Variants in ELP4 observed in about 807,000 individuals in gnomAD.
ELP4 encodes elongator acetyltransferase complex subunit 4, also known as elongator complex protein 4.
A neutral mutation model predicts 48.9 loss-of-function variants in ELP4; 51 were observed. The ratio of observed to expected loss-of-function variants is 1.04; its 90% confidence interval spans 0.83 to 1.32. The LOEUF is 1.32. Among genes scored for constraint, ELP4 ranks in the 40% most tolerant of loss-of-function variants. The pLI is 0.00. For synonymous variants in ELP4, 210 were observed against 189.2 expected, an observed-to-expected ratio of 1.11 and a Z score of -0.90; for missense variants, 519 against 514.6, an observed-to-expected ratio of 1.01 and a Z score of -0.08.
At chr11:31,572,553 C>T (rs375010822) in intron 3 of ELP4, among the ~76,000 whole-genome samples, 15 of 152,050 alleles carry the variant, frequency 9.9e-5, no homozygotes, top group East Asian at 1.9e-4. Context: ...TTTCTAATTT[C>T]GTTTTCATTT....
At position 31,514,825 on chromosome 11, in the gene ELP4, G is replaced by A. The variant is rs545445424; in HGVS notation, c.223+4818G>A. ...TTAGCTTTTTATTTATTTATTTTTT[G>A]GTTGGAGCATGGCTACAAACATTCA... On this transcript the variant is annotated intron_variant, in intron 1 of 9. Transcript: ENST00000640961. 4.0e-5 allele frequency among the ~76,000 whole-genome samples: 6 copies of A among 151,870 alleles called. No individual in the cohort carries two copies. The East Asian group carries it at 1.2e-3, about 29-fold the overall frequency.
chr11:31,673,069 T>G (rs1300315909), intron 9 of ELP4, among the ~76,000 whole-genome samples: 1 of 152,018 alleles, frequency 6.6e-6, no homozygotes, highest in African/African-American at 2.4e-5. Context: ...CAGGCTGGAG[T>G]GCAGTGGCAC....
rs183562288 is a variant in ELP4, at chr11:31,690,879, T to C, written c.1143+40658T>C. ...CAAGGCCTTTTAAAGGTACTTTTTT[T>C]GCTCTTTGCACTACTTCTTAATTTT... On this transcript the variant is annotated intron_variant, in intron 9 of 9. Coordinates refer to ENST00000640961, the MANE Select transcript of ELP4 (RefSeq NM_019040.5). Among the ~76,000 whole-genome samples the C allele has an allele frequency of 1.9e-3, 291 of 151,842 alleles. 1 individual carries two copies. Among genetic ancestry groups the C allele is most frequent in the African/African-American group, 6.7e-3 (276 of 41,468 alleles).
intron 3 of ELP4, among the ~76,000 whole-genome samples, chr11:31,556,993 A>G (rs1956940811): frequency 1.3e-5 from 2 of 151,958 alleles, no homozygotes; most frequent in Non-Finnish European, 2.9e-5. Context: ...ATTAATATCT[A>G]GAAAATCTTT....
At chr11:31,540,061 C>G (rs1163238096) in intron 3 of ELP4, among the ~76,000 whole-genome samples, 1 of 152,042 alleles carries the variant, frequency 6.6e-6, no homozygotes, top group African/African-American at 2.4e-5. Flanking sequence ...ATTACTAGAC[C>G]AGGCATTCAC....
chr11:31,661,113 G>A (rs183715910), intron 9 of ELP4, among the ~76,000 whole-genome samples: 5 of 151,874 alleles, frequency 3.3e-5, no homozygotes, highest in Non-Finnish European at 4.4e-5. Context: ...CTCTATACTT[G>A]CATATTCAGA....
At chr11:31,594,240 AAAG>A (rs1957636091) in intron 3 of ELP4, among the ~76,000 whole-genome samples, 1 of 152,188 alleles carries the variant, frequency 6.6e-6, no homozygotes. Flanking sequence ...GATTATTGTT[AAAG>A]AAGAGACATA....
At chr11:31,716,140 G>A (rs755413659) in intron 9 of ELP4, among the ~76,000 whole-genome samples, 3 of 151,840 alleles carry the variant, frequency 2.0e-5, no homozygotes, top group African/African-American at 4.8e-5. Context: ...TCAGCCTCCC[G>A]AGTAGCTAGG....
intron 4 of ELP4, among the ~76,000 whole-genome samples, chr11:31,603,066 A>G (rs1565075176): frequency 6.6e-6 from 1 of 151,960 alleles, no homozygotes; most frequent in Non-Finnish European, 1.5e-5. Context: ...TAAGAAAGAT[A>G]ATTTGTTAGA....
At chr11:31,672,546 T>G (rs1260619319) in intron 9 of ELP4, among the ~76,000 whole-genome samples, 2 of 152,178 alleles carry the variant, frequency 1.3e-5, no homozygotes, top group Non-Finnish European at 2.9e-5. Context: ...TCCTGGCACT[T>G]TGGGAGGCTA....
intron 3 of ELP4, among the ~76,000 whole-genome samples, chr11:31,574,589 C>T (rs1455263669): frequency 6.6e-6 from 1 of 152,154 alleles, no homozygotes; most frequent in Non-Finnish European, 1.5e-5. Context: ...ACGAAGGTTC[C>T]AGAGGAAGGA....
intron 3 of ELP4, among the ~76,000 whole-genome samples, chr11:31,570,136 T>C (rs749679236): frequency 8.5e-5 from 13 of 152,278 alleles, no homozygotes; most frequent in Middle Eastern, 6.8e-3. Context: ...GTGGACTGAA[T>C]AAAGAAAATG....
intron 3 of ELP4, among the ~76,000 whole-genome samples, chr11:31,560,292 A>G (rs1956996750): frequency 6.6e-6 from 1 of 152,162 alleles, no homozygotes; most frequent in East Asian, 1.9e-4. Context: ...AGAAATAATA[A>G]TGATAGTAAA....
intron 3 of ELP4, among the ~76,000 whole-genome samples, chr11:31,554,304 G>T (rs1956896813): frequency 6.6e-6 from 1 of 152,104 alleles, no homozygotes; most frequent in Non-Finnish European, 1.5e-5. Flanking sequence ...AAAAGGTTGG[G>T]GACTGCTGCG....
intron 3 of ELP4, among the ~76,000 whole-genome samples, chr11:31,560,703 A>AAACAACGTTGTTTTATATATATATAT: frequency 6.8e-6 from 1 of 147,388 alleles, no homozygotes; most frequent in Non-Finnish European, 1.5e-5. Flanking sequence ...TATATATATA[A>AAACAACGTTGTTTTATATATATATAT]AACAACGTTG....
At chr11:31,694,590 G>T (rs1946358532) in intron 9 of ELP4, among the ~76,000 whole-genome samples, 1 of 152,146 alleles carries the variant, frequency 6.6e-6, no homozygotes, top group Non-Finnish European at 1.5e-5. Flanking sequence ...TTGAAGTCAG[G>T]CTGCGATATG....
chr11:31,716,559 G>C (rs1406562147), intron 9 of ELP4, among the ~76,000 whole-genome samples: 1 of 152,142 alleles, frequency 6.6e-6, no homozygotes, highest in Non-Finnish European at 1.5e-5. Flanking sequence ...TAATATCAAG[G>C]AATACTGTGT....
At chr11:31,651,251 A>G (rs1440061064) in intron 9 of ELP4, 1 of 151,674 alleles carries the variant, frequency 6.6e-6, no homozygotes, top group African/African-American at 2.4e-5. Context: ...TGCAAGTAGC[A>G]CTAACCTATA....
intron 9 of ELP4, among the ~76,000 whole-genome samples, chr11:31,758,294 A>T (rs541197070): frequency 6.6e-6 from 1 of 152,154 alleles, no homozygotes; most frequent in Non-Finnish European, 1.5e-5. Flanking sequence ...ATATTATCTC[A>T]GCCTTTAATT....
Sources: gnomAD v4.1 joint callset for allele counts (sites outside exome capture counted in the v4.1 genomes callset) on GRCh38, gnomAD v4.1.1 for gene constraint, MANE v1.5 for transcripts, NCBI Gene and HGNC (gene_info 2026-07-23, HGNC 2026-07-21) for gene names.